MCOLN2: variants seen among roughly 807,000 people sequenced by gnomAD.
MCOLN2 encodes the protein mucolipin-2.
Under a neutral mutation model 67.5 loss-of-function variants are expected in MCOLN2, and 57 were observed. The observed-to-expected ratio is 0.84, with a 90% CI of 0.68 to 1.05. The LOEUF is 1.05. Ranked by LOEUF, MCOLN2 falls within the 50% of genes least tolerant of loss-of-function variation. The probability of loss-of-function intolerance (pLI) is 0.00; values close to 1 mark genes in which losing one functional copy is unlikely to be tolerated. For synonymous variants in MCOLN2, 246 were observed against 233.3 expected (o/e 1.05, Z -0.50); for missense variants, 620 against 678.8 (o/e 0.91, Z 0.96).
At position 84,952,503 on chromosome 1, in the gene MCOLN2, AG is replaced by A; in HGVS notation, c.592del (p.Leu198SerfsTer80). 1 of 1,612,240 alleles carries A rather than the reference AG, an allele frequency of 6.2e-7. No individual in the cohort carries two copies. Among genetic ancestry groups the A allele is most frequent in the South Asian group, 1.1e-5 (1 of 91,056 alleles). ...CTTCCAGTCCGGAGGCTTCTTGGAG[AG>A]GTCCTGAAGGTCTAATTGAACACAA... ...LDCVQLDLQD[L>X]SKKPPDWKNS... On this transcript the variant is annotated frameshift_variant, in exon 5 of 14. Coordinates refer to ENST00000370608, the MANE Select transcript of MCOLN2 (RefSeq NM_153259.4). LOFTEE classifies it high-confidence loss of function.
rs764878851 is a variant in MCOLN2 at position 84,958,628 on chromosome 1, CA to C, written c.311del (p.Leu104CysfsTer3). ...KEDNTVAFKH[L>X]FLKGYSGTDE... The stretch of plus-strand genomic sequence containing the variant: ...CTGTACCAGAATATCCTTTCAAAAA[CA>C]AGTGCTTAAAAGCAACAGTGTTATC... On this transcript the variant is annotated frameshift_variant, in exon 3 of 14. Coordinates refer to ENST00000370608, the MANE Select transcript of MCOLN2 (RefSeq NM_153259.4). LOFTEE classifies it high-confidence loss of function. The C allele has an allele frequency of 1.2e-6, 2 of 1,611,422 alleles. No homozygotes were observed. The highest frequency in any genetic ancestry group is 3.4e-5 in the Admixed American group (2 of 59,048).
At chr1:84,988,390 C>T (rs867442298) in intron 1 of MCOLN2, among the ~76,000 whole-genome samples, 2 of 152,102 alleles carry the variant, frequency 1.3e-5, no homozygotes, top group Admixed American at 1.3e-4. Context: ...GCTTGCCTCT[C>T]AGCCCCAAGA....
In MCOLN2 at chr1:84,941,009, A is replaced by T. The variant is rs1205909225; in HGVS notation, c.848-18T>A. On this transcript the variant is annotated intron_variant, in intron 7 of 13. Coordinates refer to ENST00000370608, the MANE Select transcript of MCOLN2 (RefSeq NM_153259.4). ...TTTCTGAGCTGAGGAATAAAACAGA[A>T]TTCAAATGTTAAACACACCTTACCG... 6.5e-7 allele frequency: 1 copy of T among 1,532,442 alleles called. No homozygotes were observed. 94.9% of individuals were successfully genotyped at this position (1,532,442 alleles called of 1,614,324 possible).
chr1:84,938,113 T>A, intron 9 of MCOLN2, 31 bp from the exon 10 acceptor site: 1 of 1,517,792 alleles, frequency 6.6e-7, no homozygotes, highest in Non-Finnish European at 9.1e-7. Flanking sequence ...AAGAGAGAAA[T>A]GAGTAAAATA....
chr1:84,935,911 T>C (rs1647399534), intron 11 of MCOLN2, among the ~76,000 whole-genome samples: 1 of 152,190 alleles, frequency 6.6e-6, no homozygotes, highest in East Asian at 1.9e-4. Context: ...CCTCTCACAG[T>C]TGATCTCCAA....
intron 1 of MCOLN2, among the ~76,000 whole-genome samples, chr1:84,993,621 T>G (rs199918390): frequency 2.2e-5 from 1 of 45,358 alleles, no homozygotes; most frequent in South Asian, 8.2e-4. Flanking sequence ...AATAATGTCT[T>G]TTTTTTTTTT....
intron 3 of MCOLN2, among the ~76,000 whole-genome samples, chr1:84,957,851 C>T (rs777590738): frequency 1.3e-5 from 2 of 152,134 alleles, no homozygotes; most frequent in Admixed American, 1.3e-4. Context: ...CTGATGCATC[C>T]TCAATGACTG....
Position 84,952,298 on chromosome 1 carries a change from T to C in MCOLN2, c.692A>G (p.Asp231Gly). 3.7e-6 allele frequency: 6 copies of C among 1,613,710 alleles called. No homozygotes were observed. The highest frequency in any genetic ancestry group is 5.1e-6 in the Non-Finnish European group (6 of 1,179,762). The change falls in exon 6 of 14, where the codon GAC becomes GGC. Residue 231 changes from aspartate to glycine, a missense_variant. Coordinates refer to ENST00000370608, the MANE Select transcript of MCOLN2 (RefSeq NM_153259.4). ...CTCACGGGAATGAATTGTCTGTAGG[T>C]CAATGCCTTTAAGATGAAAGGAGAT... Reference protein sequence around the residue: ...VEISFHLKGIDLQTIHSRELP... With the variant: ...VEISFHLKGIGLQTIHSRELP...
chr1:84,939,747 C>A (rs1275388788), intron 8 of MCOLN2, 45 bp from the exon 9 acceptor site: 2 of 1,603,050 alleles, frequency 1.2e-6, no homozygotes, highest in African/African-American at 2.7e-5. Flanking sequence ...ACCACACTGC[C>A]CTCTGGAAGA....
At chr1:84,959,144 GT>G (rs1393220134) in intron 2 of MCOLN2, among the ~76,000 whole-genome samples, 1 of 152,172 alleles carries the variant, frequency 6.6e-6, no homozygotes, top group African/African-American at 2.4e-5. Flanking sequence ...TTTTAAAAGT[GT>G]TTTTTGAAAA....
chr1:84,949,032 A>G (rs1557641054), intron 6 of MCOLN2, among the ~76,000 whole-genome samples: 2 of 152,188 alleles, frequency 1.3e-5, no homozygotes, highest in African/African-American at 2.4e-5. Flanking sequence ...GGGGAGGCTG[A>G]GGCATGAGAA....
At chr1:84,937,458 C>A in intron 11 of MCOLN2, 1 of 375,574 alleles carries the variant, frequency 2.7e-6, no homozygotes, top group Non-Finnish European at 4.1e-6. Context: ...ATATAGTGAT[C>A]TCACGTCCAA....
At chr1:84,964,037 A>G (rs1649241348) in intron 2 of MCOLN2, among the ~76,000 whole-genome samples, 1 of 152,256 alleles carries the variant, frequency 6.6e-6, no homozygotes, top group African/African-American at 2.4e-5. Context: ...CCTTCCAAGT[A>G]ATACTAACAA....
At chr1:84,969,308 C>T (rs981705600) in intron 1 of MCOLN2, among the ~76,000 whole-genome samples, 4 of 152,294 alleles carry the variant, frequency 2.6e-5, no homozygotes, top group East Asian at 1.9e-4. Context: ...CGGTGGCTCA[C>T]GCCTATAATC....
intron 2 of MCOLN2, among the ~76,000 whole-genome samples, chr1:84,964,125 T>C (rs567088243): frequency 3.9e-4 from 60 of 152,196 alleles, no homozygotes; most frequent in Non-Finnish European, 7.6e-4. Context: ...ACAATAAGCA[T>C]ACACATTTAA....
intron 1 of MCOLN2, among the ~76,000 whole-genome samples, chr1:84,966,622 C>T (rs1231404455): frequency 5.3e-5 from 8 of 152,066 alleles, no homozygotes; most frequent in African/African-American, 1.4e-4. Flanking sequence ...TATATGATTC[C>T]AGAATATAAA....
chr1:84,952,138 G>T (rs1206453856), intron 6 of MCOLN2, 105 bp downstream of exon 6: 4 of 691,094 alleles, frequency 5.8e-6, no homozygotes, highest in African/African-American at 1.8e-5. Flanking sequence ...TTTTAAACAT[G>T]ACTGCATTTA....
In MCOLN2 at chr1:84,925,695, C is replaced by T. The variant is rs1271055977; in HGVS notation, c.*990G>A. ...TTGTTAAAATGAGTGACCGCTGCTA[C>T]AGGTCACTTCCACATGTCATGTGTG... is the stretch of plus-strand genomic sequence containing the variant. On this transcript the variant is annotated 3_prime_UTR_variant, in exon 14 of 14. Transcript: ENST00000370608. The T allele has an allele frequency of 6.6e-6, 1 of 152,196 alleles. No homozygotes were observed. Among genetic ancestry groups the T allele is most frequent in the Non-Finnish European group, 1.5e-5 (1 of 68,048 alleles). The allele number at this position is 152,196 out of a possible 1,614,324, so 9.4% of individuals were successfully genotyped here. A position where few individuals can be genotyped will look rare whatever the true frequency, so the allele number is the denominator to read the frequency against.
chr1:84,989,710 A>T (rs2102891408), intron 1 of MCOLN2, among the ~76,000 whole-genome samples: 1 of 152,300 alleles, frequency 6.6e-6, no homozygotes, highest in African/African-American at 2.4e-5. Flanking sequence ...AAGACTTCAA[A>T]AAGTTAAAAG....
Sources: gnomAD v4.1 joint callset for allele counts (sites outside exome capture counted in the v4.1 genomes callset) on GRCh38, gnomAD v4.1.1 for gene constraint, MANE v1.5 for transcripts, NCBI Gene and HGNC (gene_info 2026-07-23, HGNC 2026-07-21) for gene names.